TADA1: variants seen among roughly 807,000 people sequenced by gnomAD.
The protein encoded by TADA1 is transcriptional adaptor 1, also known as transcriptional adapter 1.
TADA1 carries 23 observed loss-of-function variants against 39.3 expected under a neutral mutation model. The ratio of observed to expected loss-of-function variants is 0.58; its 90% CI spans 0.42 to 0.83. The LOEUF (loss-of-function observed/expected upper bound fraction) is 0.83. Ranked by LOEUF, TADA1 falls within the 40% of genes least tolerant of loss-of-function variation. TADA1 has a pLI of 0.00. For missense variants in TADA1, 352 were observed against 408.1 expected (o/e 0.86, Z 1.18); for synonymous variants, 137 against 151.8 (o/e 0.90, Z 0.72).
chr1:166,873,153 C>A (rs531233172), intron 1 of TADA1, among the ~76,000 whole-genome samples: 1 of 151,962 alleles, frequency 6.6e-6, no homozygotes, highest in African/African-American at 2.4e-5. Context: ...CGCCTGTAAT[C>A]GCAGCTACTC....
Position 166,860,321 on chromosome 1 carries a change from A to T in TADA1, c.557T>A (p.Ile186Lys). The T allele has an allele frequency of 6.2e-7, 1 of 1,610,256 alleles. No homozygotes were observed. The highest frequency in any genetic ancestry group is 8.5e-7 in the Non-Finnish European group (1 of 1,178,756). ...CCTTCTTGACACAACTGACGTCAGT[A>T]TATCTTTAAGGTGATTCTGTAAACA... ...VYAVENHLKDILTSVVSRRKA... is the reference protein window; with the variant it reads ...VYAVENHLKDKLTSVVSRRKA... Residue 186 changes from isoleucine (I) to lysine (K), a missense_variant, in exon 6 of 8, where the codon ATA (isoleucine) becomes AAA (lysine). Coordinates refer to ENST00000367874, the MANE Select transcript of TADA1 (RefSeq NM_053053.4).
At chr1:166,870,775 G>C (rs1026753569) in intron 1 of TADA1, among the ~76,000 whole-genome samples, 1 of 152,162 alleles carries the variant, frequency 6.6e-6, no homozygotes, top group African/African-American at 2.4e-5. Context: ...GCTGCGGCGA[G>C]CCATGATCAC....
rs1420030747 is a variant in TADA1 at position 166,860,188 on chromosome 1, T to G, written c.690A>C (p.Glu230Asp). Residue 230 changes from glutamate (E) to aspartate (D), a missense_variant and splice_region_variant, in exon 6 of 8, where the codon GAA (glutamate) becomes GAC (aspartate). By Grantham distance (45) the Glu-to-Asp change is conservative. Transcript: ENST00000367874. ...AAATCACAAGAAACTTCATTTACCT[T>G]TCTATTAAGTTGTTGTAAGCTACTA... is the stretch of plus-strand genomic sequence containing the variant. ...NSVVAYNNLI[E>D]SPPAFTAPCA... 6.3e-7 allele frequency: 1 copy of G among 1,593,158 alleles called. No homozygotes were observed. Among genetic ancestry groups the G allele is most frequent in the East Asian group, 2.2e-5 (1 of 44,624 alleles).
rs1476277311 is a variant in TADA1 at position 166,860,251 on chromosome 1, G to T, written c.627C>A (p.Gly209=). ...GGTATGGCTGCGGGGTCACGTTACT[G>T]CCAAAGGCATATTTAAAATGACCAT... The part of the protein sequence containing the change: ...LRDGHFKYAF[G]SNVTPQPYLK... The change falls in exon 6 of 8, where the codon GGC becomes GGA. Residue 209 remains glycine, a synonymous_variant. Coordinates refer to ENST00000367874, the MANE Select transcript of TADA1 (RefSeq NM_053053.4). 4 of 1,613,958 alleles carry T rather than the reference G, an allele frequency of 2.5e-6. No homozygotes were observed. Among genetic ancestry groups the T allele is most frequent in the Non-Finnish European group, 3.4e-6 (4 of 1,179,986 alleles).
chr1:166,873,614 G>C (rs971364934), intron 1 of TADA1, among the ~76,000 whole-genome samples: 3 of 152,112 alleles, frequency 2.0e-5, no homozygotes, highest in African/African-American at 7.2e-5. Flanking sequence ...GAGTATTACT[G>C]ACTATTTAAC....
chr1:166,857,561 C>A lies in TADA1; in HGVS notation c.*6G>T, dbSNP rs192477723. The A allele has an allele frequency of 5.2e-5, 84 of 1,613,524 alleles. No individual in the cohort carries two copies. The highest frequency in any genetic ancestry group is 2.4e-4 in the African/African-American group (18 of 75,010). The stretch of plus-strand genomic sequence containing the variant: ...CGGTGAGGGTCCCACACCCTCAAAT[C>A]CTAATTTAGCACAGCAAAAGCCCCT... On this transcript the variant is annotated 3_prime_UTR_variant, in exon 8 of 8. Transcript: ENST00000367874.
chr1:166,871,503 C>T (rs1557911292), intron 1 of TADA1, among the ~76,000 whole-genome samples: 1 of 152,236 alleles, frequency 6.6e-6, no homozygotes, highest in East Asian at 1.9e-4. Flanking sequence ...TAGTTGCATG[C>T]AAAGCTTTGG....
intron 3 of TADA1, among the ~76,000 whole-genome samples, chr1:166,867,990 A>G (rs1407833122): frequency 6.6e-6 from 1 of 152,148 alleles, no homozygotes; most frequent in African/African-American, 2.4e-5. Flanking sequence ...AATCACCCTA[A>G]GCCCTTAAAA....
intron 7 of TADA1, 98 bp from the exon 8 acceptor site, chr1:166,857,817 TATAA>T: frequency 7.4e-7 from 1 of 1,344,536 alleles, no homozygotes; most frequent in South Asian, 1.4e-5. Context: ...ACACACAATC[TATAA>T]ACTTTCAGTC....
chr1:166,874,329 G>C (rs573481472), intron 1 of TADA1, among the ~76,000 whole-genome samples: 36 of 149,354 alleles, frequency 2.4e-4, no homozygotes, highest in African/African-American at 7.2e-4. Flanking sequence ...GACAGAGCAA[G>C]ACTCCATCTC....
In TADA1 at chr1:166,862,253, G is replaced by A; in HGVS notation, c.490C>T (p.Leu164=). Residue 164 remains leucine (L), a synonymous_variant, in exon 5 of 8, where the codon CTG becomes TTG. Coordinates refer to ENST00000367874, the MANE Select transcript of TADA1 (RefSeq NM_053053.4). The part of the protein sequence containing the change: ...RMIVTAYEHG[L]DNVTEEAVSA... ...ACAGCCTCCTCGGTGACATTGTCCAGCCCATGCTCATAAGCAGTCACTATC... is the reference window on the plus strand; with the variant it reads ...ACAGCCTCCTCGGTGACATTGTCCAACCCATGCTCATAAGCAGTCACTATC... 1.9e-6 allele frequency: 3 copies of A among 1,614,020 alleles called. No homozygotes were observed. The highest frequency in any genetic ancestry group is 2.5e-6 in the Non-Finnish European group (3 of 1,179,966).
At position 166,857,329 on chromosome 1, in the gene TADA1, G is replaced by A. The variant is rs1658299235; in HGVS notation, c.*238C>T. On this transcript the variant is annotated 3_prime_UTR_variant, in exon 8 of 8. Coordinates refer to ENST00000367874, the MANE Select transcript of TADA1 (RefSeq NM_053053.4). ...CTAAATATCTCCATTCCAGGCACAG[G>A]ATTTCATTAGTGCCTGCTCCCACAA... 1 of 471,492 alleles carries A rather than the reference G, an allele frequency of 2.1e-6. No individual in the cohort carries two copies. Among genetic ancestry groups the A allele is most frequent in the African/African-American group, 2.0e-5 (1 of 50,546 alleles). The allele number at this position is 471,492 out of a possible 1,614,324, so 29.2% of individuals were successfully genotyped here. A position where few individuals can be genotyped will look rare whatever the true frequency, so the allele number is the denominator to read the frequency against.
At chr1:166,867,872 G>A (rs909664341) in intron 3 of TADA1, among the ~76,000 whole-genome samples, 21 of 152,110 alleles carry the variant, frequency 1.4e-4, no homozygotes, top group African/African-American at 4.1e-4. Flanking sequence ...GAGCCACCAC[G>A]CCCTGGCTTG....
intron 3 of TADA1, among the ~76,000 whole-genome samples, 188 bp from the exon 4 acceptor site, chr1:166,864,109 TC>T (rs1405295146): frequency 1.3e-5 from 2 of 152,228 alleles, no homozygotes; most frequent in Non-Finnish European, 2.9e-5. Flanking sequence ...CACATTTTTT[TC>T]CTAGCTGCAA....
At chr1:166,874,647 CG>C (rs565079763) in intron 1 of TADA1, among the ~76,000 whole-genome samples, 333 of 152,088 alleles carry the variant, frequency 2.2e-3, no homozygotes, top group African/African-American at 7.6e-3. Flanking sequence ...CCAGGATTAG[CG>C]GGGCGTGCCT....
At chr1:166,869,273 C>T in intron 3 of TADA1, 172 bp downstream of exon 3, 1 of 515,342 alleles carries the variant, frequency 1.9e-6, no homozygotes, top group Non-Finnish European at 3.5e-6. Flanking sequence ...AGAGTTTCTG[C>T]TTTAAAAAAA....
intron 1 of TADA1, among the ~76,000 whole-genome samples, chr1:166,870,153 AC>A (rs1658625897): frequency 6.6e-6 from 1 of 152,164 alleles, no homozygotes; most frequent in South Asian, 2.1e-4. Context: ...GTGTCCCCCC[AC>A]AAAAGTCCTG....
At position 166,858,300 on chromosome 1, in the gene TADA1, G is replaced by T; in HGVS notation, c.693-19C>A. 1 of 1,521,780 alleles carries T rather than the reference G, an allele frequency of 6.6e-7. No homozygotes were observed. The highest frequency in any genetic ancestry group is 8.8e-7 in the Non-Finnish European group (1 of 1,137,432). 94.3% of individuals were successfully genotyped at this position (1,521,780 alleles called of 1,614,324 possible). ...TGGAGGGCTGAAAATAAAAATTTCA[G>T]AAATAGTCCCAGCACAGAGACAACT... On this transcript the variant is annotated intron_variant, in intron 6 of 7. Coordinates refer to ENST00000367874, the MANE Select transcript of TADA1 (RefSeq NM_053053.4).
chr1:166,869,219 C>G, intron 3 of TADA1: 1 of 487,016 alleles, frequency 2.1e-6, no homozygotes, highest in South Asian at 2.6e-5. Context: ...AAAATGTATG[C>G]CAAGAACTGA....
Sources: allele counts gnomAD v4.1 joint callset (sites outside exome capture counted in the v4.1 genomes callset), GRCh38; gene constraint gnomAD v4.1.1; transcripts MANE v1.5; gene names NCBI Gene and HGNC (gene_info 2026-07-23, HGNC 2026-07-21).